The following KIF18B variants were observed in gnomAD, a reference collection of about 807,000 sequenced individuals.
KIF18B encodes kinesin-like protein KIF18B.
Under a neutral mutation model 80.9 loss-of-function variants are expected in KIF18B, and 49 were observed. That is an observed-to-expected ratio of 0.61 (90% confidence interval 0.48 to 0.77). The LOEUF is 0.77. KIF18B is among the 30% of genes least tolerant of loss of function. The probability of loss-of-function intolerance (pLI) is 0.00; values close to 1 mark genes in which losing one functional copy is unlikely to be tolerated. For missense variants in KIF18B, 994 were observed against 1,127.7 expected, an observed-to-expected ratio of 0.88 and a Z score of 1.70; for synonymous variants, 439 against 463.9, an observed-to-expected ratio of 0.95 and a Z score of 0.69.
At chr17:44,937,907 T>C (rs1364787255) in intron 1 of KIF18B, among the ~76,000 whole-genome samples, 1 of 152,176 alleles carries the variant, frequency 6.6e-6, no homozygotes, top group Non-Finnish European at 1.5e-5. Context: ...CAATTTCTTC[T>C]ATTCTTGTTT....
intron 7 of KIF18B, among the ~76,000 whole-genome samples, chr17:44,933,496 CTT>C (rs913406618): frequency 1.0e-4 from 15 of 143,066 alleles, no homozygotes; most frequent in Non-Finnish European, 1.1e-4. Flanking sequence ...AGAGGAACTT[CTT>C]TTTTTTTTTT....
Position 44,936,284 on chromosome 17 carries a change from C to G in KIF18B, c.61G>C (p.Glu21Gln). The G allele has an allele frequency of 1.9e-6, 3 of 1,610,874 alleles. No homozygotes were observed. The highest frequency in any genetic ancestry group is 2.5e-6 in the Non-Finnish European group (3 of 1,179,232). ...ACTGGCCGCCGCTGACTGTCCAGCTCCCGAGGGGTGGGGGGCCGCACCCGT... is the reference window on the plus strand; with the variant it reads ...ACTGGCCGCCGCTGACTGTCCAGCTGCCGAGGGGTGGGGGGCCGCACCCGT... The part of the protein sequence containing the change: ...VVRVRPPTPR[E>Q]LDSQRRPVVQ... Residue 21 changes from glutamate (E) to glutamine (Q), a missense_variant, in exon 2 of 16, where the codon GAG (glutamate) becomes CAG (glutamine). Transcript: ENST00000593135.
chr17:44,943,740 T>A (rs891554915), intron 1 of KIF18B, among the ~76,000 whole-genome samples: 8 of 152,182 alleles, frequency 5.3e-5, no homozygotes, highest in African/African-American at 1.9e-4. Flanking sequence ...CCAGGTCTCA[T>A]GTTGTTGCCC....
intron 12 of KIF18B, 23 bp downstream of exon 12, chr17:44,928,796 G>C (rs757426054): frequency 1.2e-6 from 2 of 1,608,842 alleles, no homozygotes; most frequent in African/African-American, 2.7e-5. Flanking sequence ...AAGACAGGCA[G>C]GGGAGAGCAG....
intron 11 of KIF18B, among the ~76,000 whole-genome samples, chr17:44,930,724 A>G (rs980025867): frequency 1.3e-5 from 2 of 152,182 alleles, no homozygotes; most frequent in Non-Finnish European, 2.9e-5. Context: ...CTCTCTCCTT[A>G]TAACAGGGGA....
intron 1 of KIF18B, among the ~76,000 whole-genome samples, chr17:44,946,137 T>C (rs2052509321): frequency 6.6e-6 from 1 of 152,112 alleles, no homozygotes. Flanking sequence ...TATACAATAC[T>C]CTGATAATTG....
rs548456063 is a variant in KIF18B at position 44,926,449 on chromosome 17, G to A, written c.2417C>T (p.Thr806Ile). 1.3e-6 allele frequency: 2 copies of A among 1,587,514 alleles called. No individual in the cohort carries two copies. Among genetic ancestry groups the A allele is most frequent in the African/African-American group, 1.3e-5 (1 of 74,626 alleles). Reference protein sequence around the residue: ...RSRIARLPSSTLKRPAGPLVL... With the variant: ...RSRIARLPSSILKRPAGPLVL... ...AAGGGGCCCAGCTGGCCTCTTCAAA[G>A]TGCTGCTGGGGAGGCGGGCGATGCG... is the stretch of plus-strand genomic sequence containing the variant. The change falls in exon 15 of 16, where the codon ACT (threonine) becomes ATT (isoleucine). Residue 806 changes from threonine (T) to isoleucine (I), a missense_variant. Thr to Ile is a moderately conservative substitution (Grantham distance 89, BLOSUM62 -1). Coordinates refer to ENST00000593135, the MANE Select transcript of KIF18B (RefSeq NM_001265577.2).
In KIF18B at chr17:44,925,545, CT is replaced by C. The variant is rs2052008715; in HGVS notation, c.*534del. 6.0e-6 allele frequency: 1 copy of C among 167,374 alleles called. No homozygotes were observed. The highest frequency in any genetic ancestry group is 1.3e-5 in the Non-Finnish European group (1 of 79,296). 10.4% of individuals were successfully genotyped at this position (167,374 alleles called of 1,614,324 possible). On this transcript the variant is annotated 3_prime_UTR_variant, in exon 16 of 16. Coordinates refer to ENST00000593135, the MANE Select transcript of KIF18B (RefSeq NM_001265577.2). The stretch of plus-strand genomic sequence containing the variant: ...CCTGTAATCTCAGCACTTTGGGAAG[CT>C]GAGGCAGGCGGATCACCTGAGGTCA...
At chr17:44,942,851 C>A (rs954732426) in intron 1 of KIF18B, among the ~76,000 whole-genome samples, 2 of 152,256 alleles carry the variant, frequency 1.3e-5, no homozygotes, top group Non-Finnish European at 2.9e-5. Flanking sequence ...ACTTTCACAA[C>A]AATTGTCATA....
intron 9 of KIF18B, 96 bp from the exon 10 acceptor site, chr17:44,932,302 G>A (rs1303145083): frequency 9.3e-6 from 13 of 1,403,506 alleles, no homozygotes; most frequent in South Asian, 4.4e-5. Flanking sequence ...AGCAGGGAGC[G>A]GGTGGGATCT....
chr17:44,940,704 T>C (rs561930871), intron 1 of KIF18B, among the ~76,000 whole-genome samples: 2 of 152,280 alleles, frequency 1.3e-5, no homozygotes, highest in East Asian at 3.9e-4. Context: ...AGGTAAAGAC[T>C]AGCTTCCACT....
intron 9 of KIF18B, chr17:44,932,419 A>G: frequency 1.7e-6 from 1 of 604,924 alleles, no homozygotes; most frequent in Non-Finnish European, 2.9e-6. Flanking sequence ...TTGAGAGACA[A>G]TGACACACAC....
intron 14 of KIF18B, 136 bp downstream of exon 14, chr17:44,926,853 T>C: frequency 1.3e-6 from 1 of 753,144 alleles, no homozygotes; most frequent in Non-Finnish European, 2.2e-6. Context: ...ATGCGGGCCC[T>C]GCTCACAGGA....
At chr17:44,936,551 A>G (rs1207660128) in intron 1 of KIF18B, among the ~76,000 whole-genome samples, 193 bp from the exon 2 acceptor site, 1 of 96,464 alleles carries the variant, frequency 1.0e-5, no homozygotes, top group African/African-American at 4.0e-5. Flanking sequence ...GTCATACTCA[A>G]ATGACTCTCT....
chr17:44,932,287 G>A lies in KIF18B; in HGVS notation c.1239-81C>T. 2 of 1,463,030 alleles carry A rather than the reference G, an allele frequency of 1.4e-6. 1 individual carries two copies. The highest frequency in any genetic ancestry group is 2.8e-5 in the South Asian group (2 of 72,168). The allele number at this position is 1,463,030 out of a possible 1,614,324, so 90.6% of individuals were successfully genotyped here. On this transcript the variant is annotated intron_variant, in intron 9 of 15. Transcript: ENST00000593135. ...TTGAGAGGCAGGATGTGGGCCAGGT[G>A]GGAGAGCAGGGAGCGGGTGGGATCT...
intron 7 of KIF18B, 64 bp downstream of exon 7, chr17:44,933,859 C>T: frequency 1.4e-6 from 2 of 1,459,158 alleles, no homozygotes; most frequent in East Asian, 2.5e-5. Flanking sequence ...TGCCTGGGTC[C>T]CACCCTTTCC....
In KIF18B at chr17:44,938,914, C is replaced by T. The variant is rs570656710; in HGVS notation, c.-14-2556G>A. ...ACAAAATTAGGCGGGTGTGGTGGCACGTGCCTGTAGTCCCAGCTACTTGGG... is the reference window on the plus strand; with the variant it reads ...ACAAAATTAGGCGGGTGTGGTGGCATGTGCCTGTAGTCCCAGCTACTTGGG... On this transcript the variant is annotated intron_variant, in intron 1 of 15. Coordinates refer to ENST00000593135, the MANE Select transcript of KIF18B (RefSeq NM_001265577.2). Among the ~76,000 whole-genome samples the T allele has an allele frequency of 4.6e-4, 70 of 151,982 alleles. 1 individual carries two copies. The highest frequency in any genetic ancestry group is 6.8e-3 in the Middle Eastern group (2 of 294).
chr17:44,930,041 C>T (rs895697327), intron 11 of KIF18B, among the ~76,000 whole-genome samples: 4 of 152,102 alleles, frequency 2.6e-5, no homozygotes, highest in Non-Finnish European at 5.9e-5. Flanking sequence ...TCTCTGAAGC[C>T]CCCTCCACTG....
intron 1 of KIF18B, among the ~76,000 whole-genome samples, chr17:44,937,354 T>C (rs567965197): frequency 6.6e-6 from 1 of 152,320 alleles, no homozygotes; most frequent in South Asian, 2.1e-4. Flanking sequence ...AGCAGCCAAG[T>C]GTATTAAACT....
Sources: gnomAD v4.1 joint callset for allele counts (sites outside exome capture counted in the v4.1 genomes callset) on GRCh38, gnomAD v4.1.1 for gene constraint, MANE v1.5 for transcripts, NCBI Gene and HGNC (gene_info 2026-07-23, HGNC 2026-07-21) for gene names.